AMOT: variants seen among roughly 807,000 people sequenced by gnomAD.
The protein encoded by AMOT is angiomotin.
AMOT carries 11 observed loss-of-function variants against 67.0 expected under a neutral mutation model. The ratio of observed to expected loss-of-function variants is 0.16; its 90% confidence interval spans 0.10 to 0.27. The LOEUF (loss-of-function observed/expected upper bound fraction) is 0.27. Ranked by LOEUF, AMOT falls within the 10% of genes least tolerant of loss-of-function variation. AMOT has a pLI of 1.00. For missense variants in AMOT, 753 were observed against 852.0 expected (o/e 0.88, Z 1.45); for synonymous variants, 326 against 321.4 (o/e 1.01, Z -0.15).
chrX:112,789,536 G>T (rs953387790), intron 10 of AMOT, among the ~76,000 whole-genome samples: 1 of 110,354 alleles, frequency 9.1e-6, no homozygotes, highest in African/African-American at 3.3e-5. Flanking sequence ...GGCTTATAAA[G>T]CACCGGTTCA....
Position 112,828,649 on chromosome X carries a change from C to T in AMOT, c.-211-3429G>A, listed in dbSNP as rs751485039. On this transcript the variant is annotated intron_variant, in intron 2 of 13. Transcript: ENST00000371959. ...TGAAAGCCAGAACTGGAAAGGGAGA[C>T]CACCTAGTGGTCCCACCCTCTTCTT... Among the ~76,000 whole-genome samples the T allele has an allele frequency of 1.3e-3, 142 of 110,727 alleles. 2 individuals carry two copies. Among genetic ancestry groups the T allele is most frequent in the African/African-American group, 4.5e-3 (138 of 30,443 alleles).
chrX:112,802,195 A>G lies in AMOT; in HGVS notation c.1776+2752T>C, dbSNP rs192195497. Among the ~76,000 whole-genome samples, 41 of 112,257 alleles carry G rather than the reference A, an allele frequency of 3.7e-4. No individual in the cohort carries two copies. The East Asian group carries it at 8.7e-3, about 24-fold the overall frequency. On this transcript the variant is annotated intron_variant, in intron 8 of 13. Transcript: ENST00000371959. Reference sequence around the variant, plus strand: ...AGATCTGTTCCAGAACTACCTGTTTACCTCAAATACCTCCCTGATGATGTT... The same window carrying G: ...AGATCTGTTCCAGAACTACCTGTTTGCCTCAAATACCTCCCTGATGATGTT...
intron 7 of AMOT, among the ~76,000 whole-genome samples, chrX:112,809,658 A>G (rs1934294575): frequency 9.0e-6 from 1 of 110,933 alleles, no homozygotes; most frequent in Non-Finnish European, 1.9e-5. Context: ...GGGCTTCTCT[A>G]GTTTAATGCT....
chrX:112,829,456 C>T (rs1429086911), intron 2 of AMOT, among the ~76,000 whole-genome samples: 1 of 111,734 alleles, frequency 8.9e-6, no homozygotes, highest in African/African-American at 3.3e-5. Flanking sequence ...AGTAGATGTT[C>T]GCACCATGCT....
chrX:112,787,706 C>T (rs1464537291), intron 10 of AMOT, among the ~76,000 whole-genome samples: 1 of 111,266 alleles, frequency 9.0e-6, no homozygotes, highest in Admixed American at 9.6e-5. Flanking sequence ...ACCATTGATA[C>T]CATCCAAGCA....
At chrX:112,811,599 T>C (rs1253694951) in intron 5 of AMOT, among the ~76,000 whole-genome samples, 1 of 111,695 alleles carries the variant, frequency 9.0e-6, no homozygotes, top group Non-Finnish European at 1.9e-5. Flanking sequence ...CATGGTGTCA[T>C]GGTCTTTCCT....
In AMOT at chrX:112,832,350, T is replaced by C. The variant is rs1369651814; in HGVS notation, c.-268A>G. On this transcript the variant is annotated 5_prime_UTR_variant, in exon 2 of 14. The change creates a new upstream start codon in the 5' untranslated region. Transcript: ENST00000371959. Reference sequence around the variant, plus strand: ...CAAAAGCTCTTTCACTCTGCTATCTTATTTGTCCTTCTTAGCAGCTCTGTG... The same window carrying C: ...CAAAAGCTCTTTCACTCTGCTATCTCATTTGTCCTTCTTAGCAGCTCTGTG... The C allele has an allele frequency of 1.8e-5, 2 of 112,111 alleles. No individual in the cohort carries two copies. The highest frequency in any genetic ancestry group is 6.5e-5 in the African/African-American group (2 of 30,842). The allele number at this position is 112,111 out of a possible 1,213,427, so 9.2% of individuals were successfully genotyped here.
chrX:112,795,333 A>G lies in AMOT; in HGVS notation c.1777-3352T>C, dbSNP rs909810966. 8.2e-5 allele frequency among the ~76,000 whole-genome samples: 9 copies of G among 110,019 alleles called. No homozygotes were observed. In the Admixed American group the frequency reaches 8.7e-4, roughly 11 times the overall value. On this transcript the variant is annotated intron_variant, in intron 8 of 13. Coordinates refer to ENST00000371959, the MANE Select transcript of AMOT (RefSeq NM_001113490.2). ...TCAGAAATTTCTATCTGACAGCACA[A>G]TGAAAGGTAAAGGAACAAGGTGACA...
At chrX:112,833,437 C>G (rs1219796566) in intron 1 of AMOT, among the ~76,000 whole-genome samples, 1 of 102,030 alleles carries the variant, frequency 9.8e-6, no homozygotes, top group Non-Finnish European at 2.0e-5. Context: ...CAAAGCCCAA[C>G]TGGTCCCAGC....
At position 112,840,756 on chromosome X, in the gene AMOT, G is replaced by C. The variant is rs745701787; in HGVS notation, c.-593C>G. 7.1e-5 allele frequency: 8 copies of C among 113,193 alleles called. No individual in the cohort carries two copies. Among genetic ancestry groups the C allele is most frequent in the Non-Finnish European group, 1.5e-4 (8 of 53,476 alleles). 9.3% of individuals were successfully genotyped at this position (113,193 alleles called of 1,213,427 possible). A position where few individuals can be genotyped will look rare whatever the true frequency, so the allele number is the denominator to read the frequency against. On this transcript the variant is annotated 5_prime_UTR_variant, in exon 1 of 14. Coordinates refer to ENST00000371959, the MANE Select transcript of AMOT (RefSeq NM_001113490.2). ...GAGGAGTAATTCAGGGGGTCTACCA[G>C]TTTAGGCAGCCAGAAAGCTCCTCGG...
rs763421562 is a variant in AMOT at position 112,823,027 on chromosome X, G to A, written c.100C>T (p.Leu34=). 1 of 1,167,703 alleles carries A rather than the reference G, an allele frequency of 8.6e-7. No homozygotes were observed. Among genetic ancestry groups the A allele is most frequent in the East Asian group, 3.3e-5 (1 of 30,751 alleles). The part of the protein sequence containing the change: ...RYGNPSENRS[L]LAIHQQATGN... ...GTGGCTTGCTGGTGTATGGCAAGCA[G>A]GCTGCGATTCTCACTAGGATTGCCA... Residue 34 remains leucine (L), a synonymous_variant, in exon 4 of 14, where the codon CTG becomes TTG. Coordinates refer to ENST00000371959, the MANE Select transcript of AMOT (RefSeq NM_001113490.2).
In AMOT at chrX:112,782,524, C is replaced by A; in HGVS notation, c.2240+16G>T. The A allele has an allele frequency of 8.3e-7, 1 of 1,210,993 alleles. No homozygotes were observed. The highest frequency in any genetic ancestry group is 1.1e-6 in the Non-Finnish European group (1 of 895,123). Reference sequence around the variant, plus strand: ...TCAATGTCTCAGATTCCTCAGGGTCCAGAACAACATTTTACCTGCCCTCCA... The same window carrying A: ...TCAATGTCTCAGATTCCTCAGGGTCAAGAACAACATTTTACCTGCCCTCCA... On this transcript the variant is annotated intron_variant, in intron 11 of 13. Transcript: ENST00000371959.
rs776112908 is a variant in AMOT, at chrX:112,826,554, TC to T, written c.-211-1335del. On this transcript the variant is annotated intron_variant, in intron 2 of 13. Coordinates refer to ENST00000371959, the MANE Select transcript of AMOT (RefSeq NM_001113490.2). Reference sequence around the variant, plus strand: ...CTAATTTTGAAGCAGAGGAACAACTTCTAATTGGAATCAAAGCTGGACTGTT... The same window carrying T: ...CTAATTTTGAAGCAGAGGAACAACTTTAATTGGAATCAAAGCTGGACTGTT... Among the ~76,000 whole-genome samples the T allele has an allele frequency of 2.7e-5, 3 of 111,988 alleles. No individual in the cohort carries two copies. The South Asian group carries it at 1.1e-3, about 42-fold the overall frequency.
At chrX:112,832,888 A>G (rs1233081166) in intron 1 of AMOT, among the ~76,000 whole-genome samples, 2 of 111,171 alleles carry the variant, frequency 1.8e-5, no homozygotes, top group Non-Finnish European at 3.8e-5. Flanking sequence ...CCAGCATTTC[A>G]TATCTTCATA....
intron 8 of AMOT, 102 bp from the exon 9 acceptor site, chrX:112,792,083 C>A (rs776471489): frequency 4.7e-5 from 47 of 1,001,001 alleles, no homozygotes; most frequent in Non-Finnish European, 5.9e-5. Flanking sequence ...TAGATCTCTT[C>A]TTGTTTTAGA....
Position 112,822,394 on chromosome X carries a change from T to C in AMOT, c.733A>G (p.Lys245Glu), listed in dbSNP as rs1569404516. Reference sequence around the variant, plus strand: ...ACTACAGATTGGGGTGGCATGCCCTTGAAGGGATATTCTGGTGGGGGGCCT... The same window carrying C: ...ACTACAGATTGGGGTGGCATGCCCTCGAAGGGATATTCTGGTGGGGGGCCT... The part of the protein sequence containing the change: ...HRGPPPEYPF[K>E]GMPPQSVVCK... The change falls in exon 4 of 14, where the codon AAG (lysine) becomes GAG (glutamate). Residue 245 changes from lysine to glutamate, a missense_variant. By Grantham distance (56) the Lys-to-Glu change is moderately conservative. This residue lies in a region of AMOT where 297 missense variants were observed against 284.3 expected (regional missense o/e 1.04). Coordinates refer to ENST00000371959, the MANE Select transcript of AMOT (RefSeq NM_001113490.2). 4.3e-6 allele frequency: 5 copies of C among 1,167,531 alleles called. No individual in the cohort carries two copies. The highest frequency in any genetic ancestry group is 4.6e-6 in the Non-Finnish European group (4 of 872,907).
chrX:112,792,109 G>A, intron 8 of AMOT, 128 bp from the exon 9 acceptor site: 1 of 768,227 alleles, frequency 1.3e-6, no homozygotes, highest in South Asian at 2.7e-5. Context: ...GCTGCAAAAA[G>A]GAATGGATGG....
At chrX:112,824,182 T>C (rs985524363) in intron 3 of AMOT, among the ~76,000 whole-genome samples, 1 of 112,153 alleles carries the variant, frequency 8.9e-6, no homozygotes, top group Non-Finnish European at 1.9e-5. Flanking sequence ...AAATGGCTGG[T>C]AGGTGATTTC....
At chrX:112,812,711 C>T (rs945871407) in intron 5 of AMOT, among the ~76,000 whole-genome samples, 4 of 112,113 alleles carry the variant, frequency 3.6e-5, no homozygotes, top group African/African-American at 1.3e-4. Context: ...TGCATTGCTT[C>T]TGTGTTTTCC....
Sources: allele counts gnomAD v4.1 joint callset (sites outside exome capture counted in the v4.1 genomes callset), GRCh38; gene constraint gnomAD v4.1.1; regional missense constraint gnomAD v4.1.1; transcripts MANE v1.5; gene names NCBI Gene and HGNC (gene_info 2026-07-23, HGNC 2026-07-21).